The following DYM variants were observed in gnomAD, a reference collection of about 807,000 sequenced individuals.
The protein encoded by DYM is dymeclin.
In DYM, 78 loss-of-function variants were observed where a neutral mutation model predicts 93.1. That is an observed-to-expected ratio of 0.84 (90% confidence interval 0.70 to 1.01). DYM has a LOEUF of 1.01. Ranked by LOEUF, DYM falls within the 50% of genes least tolerant of loss-of-function variation. The pLI is 0.00. For synonymous variants in DYM, 321 were observed against 319.7 expected (o/e 1.00, Z -0.04); for missense variants, 789 against 845.0 (o/e 0.93, Z 0.82).
At chr18:49,274,984 C>T (rs2094814533) in intron 10 of DYM, among the ~76,000 whole-genome samples, 1 of 152,072 alleles carries the variant, frequency 6.6e-6, no homozygotes, top group Admixed American at 6.6e-5. Context: ...TATTTTGATG[C>T]AGTTCAATTT....
intron 6 of DYM, among the ~76,000 whole-genome samples, chr18:49,345,840 T>C (rs1337733624): frequency 2.0e-5 from 3 of 152,076 alleles, no homozygotes; most frequent in Non-Finnish European, 4.4e-5. Flanking sequence ...CAGAAAGGGT[T>C]TTAGAAAGAT....
intron 1 of DYM, among the ~76,000 whole-genome samples, chr18:49,457,902 T>G (rs980324220): frequency 3.3e-5 from 5 of 152,146 alleles, no homozygotes; most frequent in African/African-American, 1.2e-4. Context: ...ACTGGTGGCT[T>G]TGAAGACAGA....
At chr18:49,261,499 C>T (rs1271800823) in intron 11 of DYM, among the ~76,000 whole-genome samples, 7 of 152,142 alleles carry the variant, frequency 4.6e-5, no homozygotes, top group Admixed American at 2.6e-4. Context: ...GGTGAAACCC[C>T]GTCTCTACTA....
At chr18:49,391,770 G>T in intron 2 of DYM, 125 bp from the exon 3 acceptor site, 1 of 719,232 alleles carries the variant, frequency 1.4e-6, no homozygotes, top group South Asian at 1.9e-5. Context: ...GCACAGTAGT[G>T]AACAATAAGA....
chr18:49,360,554 G>C (rs550387005), intron 6 of DYM, among the ~76,000 whole-genome samples: 1 of 151,954 alleles, frequency 6.6e-6, no homozygotes, highest in African/African-American at 2.4e-5. Context: ...CCCAGGAGGC[G>C]GAGGTTGCAG....
intron 8 of DYM, among the ~76,000 whole-genome samples, chr18:49,326,049 C>T (rs1385815670): frequency 3.3e-5 from 5 of 152,206 alleles, no homozygotes; most frequent in Non-Finnish European, 5.9e-5. Context: ...GACTCGGATA[C>T]ATCAGAATCA....
At chr18:49,205,549 C>A (rs979717394) in intron 14 of DYM, among the ~76,000 whole-genome samples, 1 of 152,014 alleles carries the variant, frequency 6.6e-6, no homozygotes, top group South Asian at 2.1e-4. Context: ...ATATCAAATT[C>A]TGGATATCAA....
At position 49,181,086 on chromosome 18, in the gene DYM, T is replaced by G. The variant is rs939201519; in HGVS notation, c.1626-17299A>C. Among the ~76,000 whole-genome samples the G allele has an allele frequency of 3.3e-5, 5 of 152,160 alleles. No individual in the cohort carries two copies. In the East Asian group the frequency reaches 9.6e-4, roughly 29 times the overall value. On this transcript the variant is annotated intron_variant, in intron 14 of 17. Coordinates refer to ENST00000675505, the MANE Select transcript of DYM (RefSeq NM_001353214.3). ...AGGCCGTTAGTATGCAGTTTCTGAT[T>G]TGGAGAATCACTGGAAATACCACGT...
At chr18:49,293,315 T>G (rs1207745227) in intron 8 of DYM, among the ~76,000 whole-genome samples, 2 of 152,210 alleles carry the variant, frequency 1.3e-5, no homozygotes, top group Non-Finnish European at 2.9e-5. Context: ...AGTAGAATAA[T>G]TTATAATCCT....
chr18:49,195,618 A>G (rs1330784813), intron 14 of DYM, among the ~76,000 whole-genome samples: 3 of 152,074 alleles, frequency 2.0e-5, no homozygotes, highest in African/African-American at 7.2e-5. Context: ...AAGCCAAAGC[A>G]CCCTACCCAC....
At chr18:49,134,888 C>T (rs2083687480) in intron 15 of DYM, among the ~76,000 whole-genome samples, 2 of 152,096 alleles carry the variant, frequency 1.3e-5, no homozygotes, top group South Asian at 4.1e-4. Flanking sequence ...CGGTGGATCA[C>T]CTAAGGTCAG....
intron 2 of DYM, among the ~76,000 whole-genome samples, chr18:49,420,484 T>G (rs2073539519): frequency 6.6e-6 from 1 of 152,094 alleles, no homozygotes; most frequent in Non-Finnish European, 1.5e-5. Context: ...TAAGGTAAAC[T>G]TCTAAGGCCC....
intron 17 of DYM, among the ~76,000 whole-genome samples, chr18:49,063,783 T>C (rs1662116): frequency 0.99 from 151,363 of 152,198 alleles, 75,276 homozygotes; most frequent in Middle Eastern, 1. Context: ...CCTGCCACTA[T>C]GCCTGGTTAA....
intron 17 of DYM, among the ~76,000 whole-genome samples, chr18:49,096,678 A>C (rs1239349530): frequency 1.3e-5 from 2 of 152,194 alleles, no homozygotes; most frequent in Admixed American, 6.5e-5. Flanking sequence ...ATTAGTCTTG[A>C]AGTATGAGTT....
At chr18:49,174,541 G>T (rs1045043110) in intron 14 of DYM, among the ~76,000 whole-genome samples, 3 of 151,982 alleles carry the variant, frequency 2.0e-5, no homozygotes, top group African/African-American at 7.2e-5. Flanking sequence ...TGTCCAATAT[G>T]ATTCACTCTC....
At chr18:49,431,434 C>G (rs894494670) in intron 1 of DYM, among the ~76,000 whole-genome samples, 1 of 152,110 alleles carries the variant, frequency 6.6e-6, no homozygotes, top group Admixed American at 6.6e-5. Context: ...TAATTAGTAT[C>G]CACGAGGCTC....
intron 13 of DYM, among the ~76,000 whole-genome samples, chr18:49,231,164 C>G (rs2093683176): frequency 6.6e-6 from 1 of 152,140 alleles, no homozygotes; most frequent in South Asian, 2.1e-4. Context: ...TAATTTTCAA[C>G]TTATTTATTC....
chr18:49,167,825 A>T lies in DYM; in HGVS notation c.1626-4038T>A, dbSNP rs551215763. Among the ~76,000 whole-genome samples the T allele has an allele frequency of 1.4e-3, 215 of 152,338 alleles. 3 individuals are homozygous for T. The highest frequency in any genetic ancestry group is 6.8e-4 in the Non-Finnish European group (46 of 68,024). On this transcript the variant is annotated intron_variant, in intron 14 of 17. Transcript: ENST00000675505. Reference sequence around the variant, plus strand: ...AATACTTTTTTAAAATTTGAAAAAGACTAGTTTTTCTTTTTGCATAAGAAT... The same window carrying T: ...AATACTTTTTTAAAATTTGAAAAAGTCTAGTTTTTCTTTTTGCATAAGAAT...
intron 15 of DYM, among the ~76,000 whole-genome samples, chr18:49,149,702 GTTTTTTTTTTTTT>G (rs35259913): frequency 5.2e-5 from 4 of 76,844 alleles, no homozygotes; most frequent in African/African-American, 1.6e-4. Flanking sequence ...ATTACAAAGT[GTTTTTTTTTTTTT>G]TTTTTTTTTT....
Sources: allele counts gnomAD v4.1 joint callset (sites outside exome capture counted in the v4.1 genomes callset), GRCh38; gene constraint gnomAD v4.1.1; transcripts MANE v1.5; gene names NCBI Gene and HGNC (gene_info 2026-07-23, HGNC 2026-07-21).